Variants in DOCK1 observed in about 807,000 individuals in gnomAD.
The protein encoded by DOCK1 is dedicator of cytokinesis 1.
Under a neutral mutation model 262.7 loss-of-function variants are expected in DOCK1, and 138 were observed. That is an observed-to-expected ratio of 0.53 (90% confidence interval 0.46 to 0.61). The LOEUF (loss-of-function observed/expected upper bound fraction) is 0.61. DOCK1 is among the 20% of genes least tolerant of loss of function. The pLI is 0.00. For synonymous variants in DOCK1, 866 were observed against 867.4 expected (o/e 1.00, Z 0.03); for missense variants, 1,908 against 2,370.7 (o/e 0.80, Z 4.05).
chr10:126,959,683 G>A (rs1043866624), intron 1 of DOCK1, among the ~76,000 whole-genome samples: 10 of 152,164 alleles, frequency 6.6e-5, no homozygotes, highest in Non-Finnish European at 1.0e-4. Context: ...GGGGAGGATC[G>A]TTAGCACCAT....
At chr10:127,155,561 C>A (rs746704889) in intron 27 of DOCK1, among the ~76,000 whole-genome samples, 1 of 152,142 alleles carries the variant, frequency 6.6e-6, no homozygotes, top group Non-Finnish European at 1.5e-5. Flanking sequence ...GATGAACAGC[C>A]TGTGCCTTAT....
chr10:126,955,221 G>T (rs1218102551), intron 1 of DOCK1, among the ~76,000 whole-genome samples: 1 of 152,178 alleles, frequency 6.6e-6, no homozygotes, highest in Non-Finnish European at 1.5e-5. Context: ...TGCCTCCCAG[G>T]TTCAAGTGAT....
chr10:127,136,746 C>T (rs2050734405), intron 27 of DOCK1: 1 of 152,628 alleles, frequency 6.6e-6, no homozygotes, highest in East Asian at 1.9e-4. Flanking sequence ...TTTAGTACAA[C>T]TTACTAATAG....
intron 1 of DOCK1, among the ~76,000 whole-genome samples, chr10:126,967,548 G>C (rs1476724204): frequency 2.9e-5 from 1 of 34,268 alleles, no homozygotes; most frequent in Non-Finnish European, 4.6e-5. Context: ...CCACAAACTC[G>C]GGCTAAGATA....
intron 2 of DOCK1, among the ~76,000 whole-genome samples, chr10:126,975,162 A>T (rs1565021445): frequency 6.6e-6 from 1 of 151,860 alleles, no homozygotes; most frequent in African/African-American, 2.4e-5. Context: ...TTTAAAATGC[A>T]CTGTGTTCTC....
rs530512635 is a variant in DOCK1, at chr10:127,063,675, T to A, written c.2445+1899T>A. Reference sequence around the variant, plus strand: ...ATTTTAGAAAAACAGACGTGTGTAGTGTAAGAATAGATAAAAATTACAGGA... The same window carrying A: ...ATTTTAGAAAAACAGACGTGTGTAGAGTAAGAATAGATAAAAATTACAGGA... On this transcript the variant is annotated intron_variant, in intron 23 of 51. Transcript: ENST00000623213. Among the ~76,000 whole-genome samples the A allele has an allele frequency of 4.6e-5, 7 of 152,356 alleles. No individual in the cohort carries two copies. In the South Asian group the frequency reaches 1.4e-3, roughly 32 times the overall value.
chr10:127,235,005 C>T (rs1400755902), intron 27 of DOCK1, among the ~76,000 whole-genome samples: 1 of 147,250 alleles, frequency 6.8e-6, no homozygotes, highest in Middle Eastern at 3.4e-3. Flanking sequence ...ATAATAAATA[C>T]ATATAAGTAT....
intron 21 of DOCK1, among the ~76,000 whole-genome samples, chr10:127,050,265 A>G (rs1267756760): frequency 6.6e-6 from 1 of 151,188 alleles, no homozygotes; most frequent in Non-Finnish European, 1.5e-5. Flanking sequence ...GATATTTCCA[A>G]TATCCTTAAT....
intron 38 of DOCK1, among the ~76,000 whole-genome samples, chr10:127,393,599 G>T (rs1032414470): frequency 6.6e-6 from 1 of 152,130 alleles, no homozygotes; most frequent in Non-Finnish European, 1.5e-5. Flanking sequence ...GGCAGGGAGA[G>T]ACGGGAATCG....
intron 29 of DOCK1, among the ~76,000 whole-genome samples, chr10:127,333,164 G>C (rs566651347): frequency 6.6e-6 from 1 of 152,160 alleles, no homozygotes; most frequent in Non-Finnish European, 1.5e-5. Context: ...AAAGCAGCCT[G>C]TCTTCATGCC....
At chr10:127,159,738 CAAAG>C (rs890786046) in intron 27 of DOCK1, among the ~76,000 whole-genome samples, 7 of 152,160 alleles carry the variant, frequency 4.6e-5, no homozygotes, top group Non-Finnish European at 8.8e-5. Context: ...TGAAAAGAAA[CAAAG>C]AAGGGCAGGC....
chr10:127,151,566 A>T (rs940295589), intron 27 of DOCK1, among the ~76,000 whole-genome samples: 14 of 152,292 alleles, frequency 9.2e-5, no homozygotes, highest in African/African-American at 3.1e-4. Flanking sequence ...AGGGGGTGAC[A>T]GTCGGGTCTG....
At chr10:127,404,465 G>C in intron 40 of DOCK1, 36 bp downstream of exon 40, 2 of 1,587,612 alleles carry the variant, frequency 1.3e-6, no homozygotes, top group Non-Finnish European at 1.7e-6. Context: ...AGCCATGATT[G>C]TTCCCCCAGC....
chr10:127,083,447 C>T (rs1564790506), intron 23 of DOCK1, among the ~76,000 whole-genome samples: 2 of 152,156 alleles, frequency 1.3e-5, no homozygotes, highest in Non-Finnish European at 2.9e-5. Context: ...TGCTCCTGAC[C>T]TACTGCTTTG....
intron 23 of DOCK1, among the ~76,000 whole-genome samples, chr10:127,079,848 T>C (rs774102968): frequency 3.4e-4 from 51 of 152,122 alleles, no homozygotes; most frequent in Non-Finnish European, 5.7e-4. Flanking sequence ...GGAGAATTGC[T>C]TGAAGCTGGG....
intron 4 of DOCK1, among the ~76,000 whole-genome samples, chr10:126,986,388 A>G (rs904501377): frequency 4.6e-5 from 7 of 152,222 alleles, no homozygotes; most frequent in African/African-American, 1.7e-4. Context: ...GGTGGGAACT[A>G]TTGTAGCATC....
chr10:127,412,356 G>A (rs924010736), intron 43 of DOCK1, among the ~76,000 whole-genome samples: 1 of 152,178 alleles, frequency 6.6e-6, no homozygotes, highest in Non-Finnish European at 1.5e-5. Flanking sequence ...TGGGGTCTAT[G>A]TTGCTCAGGC....
intron 23 of DOCK1, among the ~76,000 whole-genome samples, chr10:127,071,069 G>C (rs2135925863): frequency 6.6e-6 from 1 of 152,262 alleles, no homozygotes; most frequent in Admixed American, 6.5e-5. Context: ...AGTGTGTCAT[G>C]TTAAGAAAGA....
chr10:126,911,810 T>G lies in DOCK1; in HGVS notation c.46+6247T>G, dbSNP rs113288920. ...TTAAGGCAGTTTGGAAACATTGTTA[T>G]GCAAATGGATTGCATTTGCCATCAG... On this transcript the variant is annotated intron_variant, in intron 1 of 51. Coordinates refer to ENST00000623213, the MANE Select transcript of DOCK1 (RefSeq NM_001290223.2). Among the ~76,000 whole-genome samples the G allele has an allele frequency of 4.5e-3, 689 of 152,316 alleles. 9 individuals are homozygous for G. The highest frequency in any genetic ancestry group is 0.016 in the African/African-American group (652 of 41,568).
Sources: allele counts gnomAD v4.1 joint callset (sites outside exome capture counted in the v4.1 genomes callset), GRCh38; gene constraint gnomAD v4.1.1; transcripts MANE v1.5; gene names NCBI Gene and HGNC (gene_info 2026-07-23, HGNC 2026-07-21).